CNOT6: variants seen among roughly 807,000 people sequenced by gnomAD.
CNOT6 encodes CCR4-NOT transcription complex subunit 6.
CNOT6 carries 12 observed loss-of-function variants against 61.2 expected under a neutral mutation model. The observed-to-expected ratio is 0.20, with a 90% confidence interval of 0.13 to 0.32. The LOEUF (loss-of-function observed/expected upper bound fraction) is 0.32. CNOT6 is among the 10% of genes least tolerant of loss of function. CNOT6 has a pLI of 1.00. For missense variants in CNOT6, 405 were observed against 663.9 expected (o/e 0.61, Z 4.28); for synonymous variants, 225 against 240.6 (o/e 0.94, Z 0.60).
At chr5:180,530,620 G>C (rs2127721676) in intron 2 of CNOT6, among the ~76,000 whole-genome samples, 2 of 151,622 alleles carry the variant, frequency 1.3e-5, no homozygotes, top group Middle Eastern at 3.4e-3. Flanking sequence ...CGGAGAGGGG[G>C]ATTTGGCAGG....
At chr5:180,545,764 A>G (rs1759285619) in intron 2 of CNOT6, among the ~76,000 whole-genome samples, 1 of 152,188 alleles carries the variant, frequency 6.6e-6, no homozygotes, top group Admixed American at 6.5e-5. Flanking sequence ...TTTTTAAAAA[A>G]CTGAATCTGG....
intron 1 of CNOT6, among the ~76,000 whole-genome samples, chr5:180,503,318 C>A (rs1756969508): frequency 6.8e-6 from 1 of 146,898 alleles, no homozygotes; most frequent in Non-Finnish European, 1.5e-5. Flanking sequence ...GGCTGGAATG[C>A]AGTGGAGCAA....
chr5:180,513,328 C>G (rs1442148766), intron 1 of CNOT6, among the ~76,000 whole-genome samples: 1 of 152,052 alleles, frequency 6.6e-6, no homozygotes, highest in Non-Finnish European at 1.5e-5. Flanking sequence ...TAGCTGGGAC[C>G]ATAGGCGTGT....
rs371846418 is a variant in CNOT6 at position 180,574,164 on chromosome 5, C to T, written c.1638C>T (p.Pro546=). 52 of 1,613,980 alleles carry T rather than the reference C, an allele frequency of 3.2e-5. No homozygotes were observed. In the African/African-American group the frequency reaches 6.5e-4, roughly 20 times the overall value. The change falls in exon 12 of 12, where the codon CCC becomes CCT. Residue 546 remains proline (P), a synonymous_variant. Coordinates refer to ENST00000261951, the MANE Select transcript of CNOT6 (RefSeq NM_001370472.1). Reference sequence around the variant, plus strand: ...TGGAGCTCTTACTGCCTTTCCTGCCCCAAGTCAACGGCATCCACCTTCCTG... The same window carrying T: ...TGGAGCTCTTACTGCCTTTCCTGCCTCAAGTCAACGGCATCCACCTTCCTG... The part of the protein sequence containing the change: ...AQLELLLPFL[P]QVNGIHLPGR...
chr5:180,538,004 A>C (rs1434505103), intron 2 of CNOT6, among the ~76,000 whole-genome samples: 1 of 149,438 alleles, frequency 6.7e-6, no homozygotes, highest in Admixed American at 6.7e-5. Flanking sequence ...TATACAGTAG[A>C]CCAGCCTGGG....
At position 180,550,040 on chromosome 5, in the gene CNOT6, C is replaced by T; in HGVS notation, c.222C>T (p.His74=). ...SRIPSDIAKL[H]NLVYLDLSSN... ...TTCCTTCAGACATTGCCAAGCTTCA[C>T]AATCTGGTGTATTTGGACCTGTCAT... is the stretch of plus-strand genomic sequence containing the variant. Residue 74 remains histidine, a synonymous_variant, in exon 3 of 12, where the codon CAC becomes CAT. Coordinates refer to ENST00000261951, the MANE Select transcript of CNOT6 (RefSeq NM_001370472.1). 2 of 1,614,120 alleles carry T rather than the reference C, an allele frequency of 1.2e-6. No individual in the cohort carries two copies. The highest frequency in any genetic ancestry group is 1.7e-6 in the Non-Finnish European group (2 of 1,179,978).
intron 2 of CNOT6, among the ~76,000 whole-genome samples, chr5:180,538,701 T>G (rs964169921): frequency 7.3e-6 from 1 of 137,832 alleles, no homozygotes; most frequent in African/African-American, 3.1e-5. Context: ...TATATATATA[T>G]ATATATATAT....
intron 1 of CNOT6, among the ~76,000 whole-genome samples, chr5:180,523,246 G>C (rs896302690): frequency 6.6e-6 from 1 of 152,104 alleles, no homozygotes; most frequent in East Asian, 1.9e-4. Context: ...TGCTTCTCAG[G>C]TACCCCTTTT....
intron 4 of CNOT6, among the ~76,000 whole-genome samples, chr5:180,558,596 TTTCC>T (rs756909633): frequency 2.0e-5 from 3 of 148,730 alleles, no homozygotes; most frequent in Admixed American, 6.8e-5. Flanking sequence ...CTCTTTAGTA[TTTCC>T]TTCCTTCCTT....
Position 180,547,837 on chromosome 5 carries a change from G to A in CNOT6, c.113-2094G>A, listed in dbSNP as rs535137757. Among the ~76,000 whole-genome samples, 21 of 152,120 alleles carry A rather than the reference G, an allele frequency of 1.4e-4. No homozygotes were observed. The South Asian group carries it at 2.7e-3, about 20-fold the overall frequency. ...CAACCGCCACCTCCCGGGTTCAAGC[G>A]GTTCTCCTGCCTCAGCCTCCCTAGA... On this transcript the variant is annotated intron_variant, in intron 2 of 11. Coordinates refer to ENST00000261951, the MANE Select transcript of CNOT6 (RefSeq NM_001370472.1).
chr5:180,502,666 A>AT (rs1270129679), intron 1 of CNOT6, among the ~76,000 whole-genome samples: 5 of 127,150 alleles, frequency 3.9e-5, no homozygotes, highest in Non-Finnish European at 9.3e-5. Flanking sequence ...AATACAGAGT[A>AT]TTACAGGTGA....
At chr5:180,549,135 G>A (rs1363333845) in intron 2 of CNOT6, among the ~76,000 whole-genome samples, 1 of 152,178 alleles carries the variant, frequency 6.6e-6, no homozygotes, top group Non-Finnish European at 1.5e-5. Flanking sequence ...TCTTCATGCA[G>A]TTATCACTAG....
In CNOT6 at chr5:180,577,506, A is replaced by G. The variant is rs934970394; in HGVS notation, c.*3306A>G. On this transcript the variant is annotated 3_prime_UTR_variant, in exon 12 of 12. Transcript: ENST00000261951. ...GTGAAGCTCTCAGAATGTCCAGTAC[A>G]GATGTTGCAGATAATTCCAAGAACT... 6.6e-6 allele frequency: 1 copy of G among 152,638 alleles called. No homozygotes were observed. Among genetic ancestry groups the G allele is most frequent in the African/African-American group, 2.4e-5 (1 of 41,446 alleles). 9.5% of individuals were successfully genotyped at this position (152,638 alleles called of 1,614,324 possible). A position where few individuals can be genotyped will look rare whatever the true frequency, so the allele number is the denominator to read the frequency against.
At chr5:180,526,307 A>T (rs1758100534) in intron 1 of CNOT6, among the ~76,000 whole-genome samples, 1 of 152,216 alleles carries the variant, frequency 6.6e-6, no homozygotes. Flanking sequence ...ATGTGTGCTG[A>T]AGGTAAAGAT....
intron 1 of CNOT6, among the ~76,000 whole-genome samples, chr5:180,505,286 G>T (rs1322675550): frequency 2.3e-5 from 2 of 86,152 alleles, no homozygotes; most frequent in Non-Finnish European, 4.4e-5. Flanking sequence ...GACGGAGTCT[G>T]GCTCTGTCGC....
At chr5:180,565,736 CAT>C (rs1760416064) in intron 6 of CNOT6, 82 bp from the exon 7 acceptor site, 1 of 1,285,540 alleles carries the variant, frequency 7.8e-7, no homozygotes, top group Non-Finnish European at 1.1e-6. Context: ...TCAAACTTAA[CAT>C]TTAAGTGAAA....
chr5:180,513,689 ATTTATTTATT>A (rs746887859), intron 1 of CNOT6, among the ~76,000 whole-genome samples: 1,643 of 116,220 alleles, frequency 0.014, 18 homozygotes, highest in Middle Eastern at 0.039. Flanking sequence ...TTATTTATTT[ATTTATTTATT>A]TTTATTTATT....
At position 180,543,817 on chromosome 5, in the gene CNOT6, C is replaced by CT. The variant is rs924838335; in HGVS notation, c.113-6103dup. ...GTTTGAAGATTTATTTTTAATATGA[C>CT]TTTTTTTTTTTGAGAGGGAGTCTTG... On this transcript the variant is annotated intron_variant, in intron 2 of 11. Coordinates refer to ENST00000261951, the MANE Select transcript of CNOT6 (RefSeq NM_001370472.1). Among the ~76,000 whole-genome samples, 137 of 146,910 alleles carry CT rather than the reference C, an allele frequency of 9.3e-4. 1 individual carries two copies. Among genetic ancestry groups the CT allele is most frequent in the East Asian group, 4.4e-3 (22 of 5,052 alleles).
intron 4 of CNOT6, among the ~76,000 whole-genome samples, chr5:180,555,026 A>ATTT (rs1759811340): frequency 6.9e-6 from 1 of 144,420 alleles, no homozygotes; most frequent in African/African-American, 2.6e-5. Context: ...TTTTTTTTTG[A>ATTT]GAGAGAGTCT....
Sources: gnomAD v4.1 joint callset for allele counts (sites outside exome capture counted in the v4.1 genomes callset) on GRCh38, gnomAD v4.1.1 for gene constraint, MANE v1.5 for transcripts, NCBI Gene and HGNC (gene_info 2026-07-23, HGNC 2026-07-21) for gene names.